TANC2: variants seen among roughly 807,000 people sequenced by gnomAD.
TANC2 encodes protein TANC2.
A neutral mutation model predicts 210.5 loss-of-function variants in TANC2; 26 were observed. The observed-to-expected ratio is 0.12, with a 90% CI of 0.09 to 0.17. TANC2 has a LOEUF of 0.17. Among genes scored for constraint, TANC2 ranks in the 10% least tolerant of loss-of-function variants. TANC2 has a pLI of 1.00. For synonymous variants in TANC2, 931 were observed against 967.1 expected, an observed-to-expected ratio of 0.96 and a Z score of 0.69; for missense variants, 2,129 against 2,608.9, an observed-to-expected ratio of 0.82 and a Z score of 4.01.
At chr17:63,162,417 G>A (rs1471282690) in intron 5 of TANC2, among the ~76,000 whole-genome samples, 1 of 152,158 alleles carries the variant, frequency 6.6e-6, no homozygotes, top group Admixed American at 6.6e-5. Context: ...CAGAGCAGTA[G>A]GGAAGTAGCT....
intron 7 of TANC2, 65 bp downstream of exon 7, chr17:63,201,022 C>A: frequency 7.1e-7 from 1 of 1,417,576 alleles, no homozygotes; most frequent in South Asian, 1.4e-5. Flanking sequence ...ATTACACAAG[C>A]TTAAGGTTTT....
At chr17:63,408,022 AAAATTTT>A (rs1324483028) in intron 21 of TANC2, among the ~76,000 whole-genome samples, 1 of 152,240 alleles carries the variant, frequency 6.6e-6, no homozygotes, top group East Asian at 1.9e-4. Context: ...GGAGGCTTTA[AAAATTTT>A]AAATAAGGAA....
intron 8 of TANC2, among the ~76,000 whole-genome samples, chr17:63,252,760 T>C (rs923097357): frequency 1.3e-5 from 2 of 152,192 alleles, no homozygotes; most frequent in Non-Finnish European, 2.9e-5. Context: ...TCATTGTGTG[T>C]ATGTACCACA....
At chr17:63,295,802 G>C (rs984276598) in intron 9 of TANC2, among the ~76,000 whole-genome samples, 1 of 152,120 alleles carries the variant, frequency 6.6e-6, no homozygotes, top group African/African-American at 2.4e-5. Context: ...CTAACTACAT[G>C]GCCTTACATC....
intron 7 of TANC2, among the ~76,000 whole-genome samples, chr17:63,209,172 G>A (rs1196389318): frequency 1.3e-5 from 2 of 151,770 alleles, no homozygotes; most frequent in South Asian, 2.1e-4. Context: ...ACCACACCCA[G>A]CTAATTTTTG....
exon 25 of TANC2, chr17:63,413,631 T>C (rs1166522344): frequency 6.3e-7 from 1 of 1,593,994 alleles, no homozygotes; most frequent in Non-Finnish European, 8.5e-7. Flanking sequence ...ACATGTTTTA[T>C]AAGGTGAGGG....
At chr17:63,281,775 C>T (rs780830199) in intron 9 of TANC2, among the ~76,000 whole-genome samples, 4 of 151,812 alleles carry the variant, frequency 2.6e-5, no homozygotes, top group Non-Finnish European at 5.9e-5. Flanking sequence ...AATCCAATGA[C>T]GGTATTTTTT....
chr17:63,314,406 G>C (rs1450050054), exon 10 of TANC2: 2 of 1,613,784 alleles, frequency 1.2e-6, no homozygotes, highest in Admixed American at 1.7e-5. Context: ...GCACCTTATA[G>C]GCCTCCAGAT....
At chr17:63,180,078 G>A (rs191090864) in intron 5 of TANC2, among the ~76,000 whole-genome samples, 40 of 151,806 alleles carry the variant, frequency 2.6e-4, no homozygotes, top group African/African-American at 8.7e-4. Flanking sequence ...CTGGGAGTTC[G>A]AGGCTGATCG....
intron 8 of TANC2, among the ~76,000 whole-genome samples, chr17:63,241,202 G>A (rs1255393948): frequency 6.6e-6 from 1 of 152,164 alleles, no homozygotes; most frequent in African/African-American, 2.4e-5. Flanking sequence ...ATGGTAGTAT[G>A]AGCCAGTTAC....
intron 4 of TANC2, 53 bp downstream of exon 4, chr17:63,099,410 C>A: frequency 7.7e-7 from 1 of 1,295,576 alleles, no homozygotes; most frequent in Non-Finnish European, 1.0e-6. Flanking sequence ...AACGATATGA[C>A]ACTTTAGGTC....
At chr17:63,143,281 T>C (rs1357678507) in intron 4 of TANC2, among the ~76,000 whole-genome samples, 1 of 152,242 alleles carries the variant, frequency 6.6e-6, no homozygotes, top group Non-Finnish European at 1.5e-5. Flanking sequence ...ATTATGCTAA[T>C]CCTTAAAAAG....
intron 14 of TANC2, among the ~76,000 whole-genome samples, chr17:63,369,329 A>C (rs868198433): frequency 1.3e-5 from 2 of 152,154 alleles, no homozygotes; most frequent in Non-Finnish European, 2.9e-5. Flanking sequence ...TAGGGAATCT[A>C]TCGATGATAC....
chr17:63,091,180 G>A (rs1032807799), intron 3 of TANC2, among the ~76,000 whole-genome samples: 5 of 144,840 alleles, frequency 3.5e-5, no homozygotes, highest in African/African-American at 1.3e-4. Context: ...CTCTGATAGT[G>A]GTTTCTTTTG....
intron 2 of TANC2, among the ~76,000 whole-genome samples, chr17:63,069,734 A>G (rs1385481655): frequency 2.6e-5 from 4 of 152,308 alleles, no homozygotes; most frequent in African/African-American, 9.6e-5. Context: ...ATTCACAGGC[A>G]TATTATTTCA....
chr17:63,166,400 C>G (rs1302180534), intron 5 of TANC2, among the ~76,000 whole-genome samples: 1 of 152,050 alleles, frequency 6.6e-6, no homozygotes, highest in African/African-American at 2.4e-5. Context: ...TTATTAAATA[C>G]TAAGTAGACA....
At chr17:63,066,179 G>A (rs1367449036) in intron 2 of TANC2, among the ~76,000 whole-genome samples, 1 of 152,166 alleles carries the variant, frequency 6.6e-6, no homozygotes, top group Admixed American at 6.5e-5. Flanking sequence ...TGCTAGCCTG[G>A]CAAAGGGTGG....
chr17:63,298,843 G>T (rs1477291775), intron 9 of TANC2, among the ~76,000 whole-genome samples: 1 of 152,096 alleles, frequency 6.6e-6, no homozygotes, highest in African/African-American at 2.4e-5. Context: ...ATGGTGGTTT[G>T]CTGCACCTAT....
At chr17:63,277,389 G>A (rs755218733) in intron 9 of TANC2, among the ~76,000 whole-genome samples, 8 of 151,356 alleles carry the variant, frequency 5.3e-5, no homozygotes, top group Admixed American at 2.0e-4. Flanking sequence ...TCGTCACCCC[G>A]GTATTAAGCC....
Sources: gnomAD v4.1 joint callset for allele counts (sites outside exome capture counted in the v4.1 genomes callset) on GRCh38, gnomAD v4.1.1 for gene constraint, MANE v1.5 for transcripts, NCBI Gene and HGNC (gene_info 2026-07-23, HGNC 2026-07-21) for gene names.